The following DPP6 variants were observed in gnomAD, a reference collection of about 807,000 sequenced individuals.
DPP6 encodes the protein A-type potassium channel modulatory protein DPP6.
In DPP6, 69 loss-of-function variants were observed where a neutral mutation model predicts 122.6. That is an observed-to-expected ratio of 0.56 (90% CI 0.46 to 0.69). DPP6 has a LOEUF of 0.69. Ranked by LOEUF, DPP6 falls within the 30% of genes least tolerant of loss-of-function variation. DPP6 has a pLI of 0.00. For missense variants in DPP6, 928 were observed against 1,116.9 expected, an observed-to-expected ratio of 0.83 and a Z score of 2.41; for synonymous variants, 418 against 433.1, an observed-to-expected ratio of 0.97 and a Z score of 0.43.
At chr7:154,161,248 G>A (rs568469993) in intron 1 of DPP6, among the ~76,000 whole-genome samples, 1 of 152,386 alleles carries the variant, frequency 6.6e-6, no homozygotes, top group African/African-American at 2.4e-5. Flanking sequence ...TGTAAACCCA[G>A]CACTTTGGGA....
At chr7:154,454,046 T>C (rs544793229) in intron 2 of DPP6, among the ~76,000 whole-genome samples, 21 of 152,354 alleles carry the variant, frequency 1.4e-4, no homozygotes, top group Middle Eastern at 3.4e-3. Flanking sequence ...CCGTATCTTT[T>C]GGGCATTTTC....
intron 1 of DPP6, among the ~76,000 whole-genome samples, chr7:154,443,490 A>G (rs1292230622): frequency 3.0e-5 from 4 of 131,876 alleles, no homozygotes; most frequent in Non-Finnish European, 6.2e-5. Context: ...GGATGGATGG[A>G]TGTGGATTGA....
chr7:153,848,981 T>A, the DPP6 span, among the ~76,000 whole-genome samples: 1 of 152,182 alleles, frequency 6.6e-6, no homozygotes, highest in Non-Finnish European at 1.5e-5. Flanking sequence ...TAAAAGGGTT[T>A]TTTAACTTTA....
At chr7:153,889,782 C>G (rs1199001087) in intron 1 of DPP6, among the ~76,000 whole-genome samples, 7 of 152,216 alleles carry the variant, frequency 4.6e-5, no homozygotes, top group Admixed American at 4.6e-4. Flanking sequence ...AATTCTACAG[C>G]AACCCATATT....
At chr7:154,117,324 C>T (rs1001547684) in intron 1 of DPP6, among the ~76,000 whole-genome samples, 1 of 152,144 alleles carries the variant, frequency 6.6e-6, no homozygotes, top group African/African-American at 2.4e-5. Flanking sequence ...GATTTTATAT[C>T]GTTTTAATCA....
At chr7:154,308,755 C>A (rs1418114806) in intron 1 of DPP6, among the ~76,000 whole-genome samples, 1 of 151,960 alleles carries the variant, frequency 6.6e-6, no homozygotes, top group African/African-American at 2.4e-5. Context: ...AATAAAAGTA[C>A]AAATTTATTG....
At chr7:154,123,565 C>T (rs1807649608) in intron 1 of DPP6, among the ~76,000 whole-genome samples, 1 of 152,150 alleles carries the variant, frequency 6.6e-6, no homozygotes, top group Non-Finnish European at 1.5e-5. Flanking sequence ...GGGCTGCAAA[C>T]ATCAGGGTTA....
chr7:154,581,413 G>C (rs1339142947), intron 5 of DPP6, among the ~76,000 whole-genome samples: 1 of 152,100 alleles, frequency 6.6e-6, no homozygotes. Flanking sequence ...GCCTGCCATG[G>C]TCCTCCCCCA....
chr7:154,774,511 A>G (rs1213320683), intron 10 of DPP6, among the ~76,000 whole-genome samples: 1 of 152,216 alleles, frequency 6.6e-6, no homozygotes, highest in Admixed American at 6.6e-5. Flanking sequence ...AGCTTCAAGG[A>G]CAATGAAAAA....
At chr7:153,955,953 G>A (rs965180723) in intron 1 of DPP6, among the ~76,000 whole-genome samples, 3 of 152,156 alleles carry the variant, frequency 2.0e-5, no homozygotes, top group Non-Finnish European at 4.4e-5. Context: ...TGACAGATGT[G>A]GCCCTTCATC....
At chr7:154,360,025 T>G (rs761990906) in intron 1 of DPP6, among the ~76,000 whole-genome samples, 3 of 152,234 alleles carry the variant, frequency 2.0e-5, no homozygotes, top group Non-Finnish European at 4.4e-5. Flanking sequence ...TGAGTGCTGC[T>G]TGGCTTTGAG....
At chr7:154,461,123 T>G (rs140298051) in intron 2 of DPP6, among the ~76,000 whole-genome samples, 2 of 152,242 alleles carry the variant, frequency 1.3e-5, no homozygotes, top group African/African-American at 2.4e-5. Context: ...TGTGCCAAGT[T>G]TGTCTTTCTT....
intron 5 of DPP6, 27 bp from the exon 6 acceptor site, chr7:154,637,794 A>G (rs1287063208): frequency 1.9e-6 from 3 of 1,556,066 alleles, no homozygotes; most frequent in East Asian, 4.7e-5. Context: ...CTCAATGCCT[A>G]CCTTTTTTCC....
At chr7:154,776,189 C>CTGTA (rs1385577215) in intron 10 of DPP6, among the ~76,000 whole-genome samples, 26 of 107,406 alleles carry the variant, frequency 2.4e-4, no homozygotes, top group Non-Finnish European at 4.7e-4. Flanking sequence ...TCAGAAGCCC[C>CTGTA]CATGATAGAT....
chr7:154,039,374 C>A (rs1424260147), intron 1 of DPP6, among the ~76,000 whole-genome samples: 3 of 134,654 alleles, frequency 2.2e-5, no homozygotes, highest in Non-Finnish European at 4.6e-5. Context: ...AATTCCTGTT[C>A]TCCAAGAAGA....
the DPP6 span, among the ~76,000 whole-genome samples, chr7:153,797,190 A>C: frequency 2.2e-4 from 33 of 152,328 alleles, no homozygotes; most frequent in African/African-American, 7.9e-4. Context: ...AGAGACTCTG[A>C]GCCACAGGAT....
chr7:154,656,880 AGCTGCGTGGG>A, intron 6 of DPP6, among the ~76,000 whole-genome samples: 1 of 36,876 alleles, frequency 2.7e-5, no homozygotes, highest in Non-Finnish European at 5.6e-5. Flanking sequence ...TGGGTGGAGA[AGCTGCGTGGG>A]AGGAGGTGCT....
intron 3 of DPP6, among the ~76,000 whole-genome samples, chr7:154,518,881 T>A (rs563915035): frequency 1.3e-5 from 2 of 152,322 alleles, no homozygotes; most frequent in East Asian, 3.9e-4. Flanking sequence ...AGAAAAGCCA[T>A]ATAACCTGTC....
At chr7:153,928,388 T>C (rs1388692675) in intron 1 of DPP6, among the ~76,000 whole-genome samples, 35 of 125,328 alleles carry the variant, frequency 2.8e-4, no homozygotes, top group Middle Eastern at 3.8e-3. Context: ...ATTTTTTTCT[T>C]TTCTTTCATT....
Sources: allele counts gnomAD v4.1 joint callset (sites outside exome capture counted in the v4.1 genomes callset), GRCh38; gene constraint gnomAD v4.1.1; transcripts MANE v1.5; gene names NCBI Gene and HGNC (gene_info 2026-07-23, HGNC 2026-07-21).